HPSE2: variants seen among roughly 807,000 people sequenced by gnomAD.
The protein encoded by HPSE2 is heparanase 2 (inactive), also known as inactive heparanase-2.
HPSE2 carries 38 observed loss-of-function variants against 60.5 expected under a neutral mutation model. The observed-to-expected ratio is 0.63, with a 90% CI of 0.48 to 0.82. HPSE2 has a LOEUF of 0.82. HPSE2 is among the 40% of genes least tolerant of loss of function. The probability of loss-of-function intolerance (pLI) is 0.00; values close to 1 mark genes in which losing one functional copy is unlikely to be tolerated. For synonymous variants in HPSE2, 295 were observed against 293.2 expected (o/e 1.01, Z -0.06); for missense variants, 713 against 740.4 (o/e 0.96, Z 0.43).
intron 8 of HPSE2, among the ~76,000 whole-genome samples, chr10:98,620,280 T>C (rs940022930): frequency 1.3e-5 from 2 of 152,298 alleles, no homozygotes; most frequent in East Asian, 1.9e-4. Context: ...CCCAAGACTA[T>C]AGTGAAAATT....
At position 98,691,693 on chromosome 10, in the gene HPSE2, T is replaced by C. The variant is rs1948081453; in HGVS notation, c.1004+2207A>G. ...GGACATTATCTTGTTATCAAAGCAG[T>C]AGTAGTTAAGACAATAACCCTTGGA... On this transcript the variant is annotated intron_variant, in intron 6 of 11. Coordinates refer to ENST00000370552, the MANE Select transcript of HPSE2 (RefSeq NM_021828.5). Among the ~76,000 whole-genome samples the C allele has an allele frequency of 5.3e-5, 8 of 152,322 alleles. No individual in the cohort carries two copies. In the South Asian group the frequency reaches 1.4e-3, roughly 28 times the overall value.
intron 3 of HPSE2, among the ~76,000 whole-genome samples, chr10:99,080,584 G>C (rs1843100666): frequency 6.6e-6 from 1 of 152,060 alleles, no homozygotes; most frequent in Admixed American, 6.6e-5. Context: ...TAAATCTTAG[G>C]GATGCCAAGT....
At chr10:98,880,641 A>G (rs1952997397) in intron 3 of HPSE2, among the ~76,000 whole-genome samples, 1 of 152,058 alleles carries the variant, frequency 6.6e-6, no homozygotes, top group Admixed American at 6.6e-5. Flanking sequence ...ATTATCAAGT[A>G]TATATAAATT....
chr10:99,200,999 A>G (rs1410372006), intron 2 of HPSE2, among the ~76,000 whole-genome samples: 1 of 152,194 alleles, frequency 6.6e-6, no homozygotes, highest in African/African-American at 2.4e-5. Context: ...AGGCAAAAAG[A>G]ATAAATAGGT....
At chr10:98,990,963 C>T (rs1264378774) in intron 3 of HPSE2, among the ~76,000 whole-genome samples, 1 of 152,138 alleles carries the variant, frequency 6.6e-6, no homozygotes, top group South Asian at 2.1e-4. Context: ...CAAATCAAAC[C>T]CCATGCCCCA....
chr10:99,300,946 C>T, the HPSE2 span, among the ~76,000 whole-genome samples: 1 of 152,240 alleles, frequency 6.6e-6, no homozygotes, highest in South Asian at 2.1e-4. Context: ...TGTAACACCC[C>T]CATTTTACCT....
chr10:98,573,875 A>C (rs993185290), intron 9 of HPSE2, among the ~76,000 whole-genome samples: 3 of 152,186 alleles, frequency 2.0e-5, no homozygotes, highest in African/African-American at 7.2e-5. Flanking sequence ...TCTTTTTCTT[A>C]TACAGCTGTA....
At chr10:98,601,134 G>A (rs1376164579) in intron 9 of HPSE2, among the ~76,000 whole-genome samples, 1 of 151,546 alleles carries the variant, frequency 6.6e-6, no homozygotes, top group East Asian at 1.9e-4. Context: ...AATTTTTGTT[G>A]TTGTTGTTCA....
chr10:98,733,937 AC>A (rs1949287149), intron 4 of HPSE2, among the ~76,000 whole-genome samples: 1 of 152,174 alleles, frequency 6.6e-6, no homozygotes, highest in Non-Finnish European at 1.5e-5. Context: ...CAGTTGTGCA[AC>A]CATCACAACA....
intron 6 of HPSE2, among the ~76,000 whole-genome samples, chr10:98,666,077 G>A (rs909360656): frequency 2.0e-5 from 3 of 152,096 alleles, no homozygotes; most frequent in African/African-American, 7.2e-5. Context: ...TCAAAGTAAA[G>A]GGATGAATAA....
At chr10:98,579,379 C>A (rs7908072) in intron 9 of HPSE2, among the ~76,000 whole-genome samples, 1 of 151,938 alleles carries the variant, frequency 6.6e-6, no homozygotes, top group African/African-American at 2.4e-5. Flanking sequence ...ACCTCCACCA[C>A]CTCACTGAAG....
At chr10:98,615,090 G>A in intron 8 of HPSE2, 72 bp from the exon 9 acceptor site, 1 of 1,074,594 alleles carries the variant, frequency 9.3e-7, no homozygotes, top group Non-Finnish European at 1.4e-6. Context: ...ATAGAGACTG[G>A]CTACTATATA....
intron 3 of HPSE2, among the ~76,000 whole-genome samples, chr10:98,770,460 C>A (rs1318089543): frequency 6.6e-6 from 1 of 152,116 alleles, no homozygotes; most frequent in African/African-American, 2.4e-5. Flanking sequence ...TGCATTTGTG[C>A]CAAGGTCACA....
intron 3 of HPSE2, among the ~76,000 whole-genome samples, chr10:99,114,917 AAAG>A (rs974215583): frequency 6.6e-4 from 100 of 151,020 alleles, no homozygotes; most frequent in East Asian, 2.2e-3. Flanking sequence ...AAAAAAAAAA[AAAG>A]AAGAAGAAGA....
intron 3 of HPSE2, among the ~76,000 whole-genome samples, chr10:99,132,166 AAAG>A (rs561390753): frequency 0.52 from 19,165 of 36,562 alleles, 3,156 homozygotes; most frequent in South Asian, 0.6. Flanking sequence ...AGAAAGAAAG[AAAG>A]AAAGAAAGAA....
chr10:98,976,789 A>G (rs978712649), intron 3 of HPSE2, among the ~76,000 whole-genome samples: 1 of 152,096 alleles, frequency 6.6e-6, no homozygotes, highest in African/African-American at 2.4e-5. Context: ...GGAAACTGTG[A>G]CTGTTACTTT....
At chr10:98,915,151 C>CTT (rs1174583914) in intron 3 of HPSE2, among the ~76,000 whole-genome samples, 17 of 141,174 alleles carry the variant, frequency 1.2e-4, no homozygotes, top group African/African-American at 2.6e-4. Flanking sequence ...CTAAATTTTC[C>CTT]TTTTTTTTTT....
At chr10:98,773,223 T>C (rs1174704863) in intron 3 of HPSE2, among the ~76,000 whole-genome samples, 2 of 152,192 alleles carry the variant, frequency 1.3e-5, no homozygotes, top group African/African-American at 2.4e-5. Flanking sequence ...TATATCCTTA[T>C]ATTCTCCTAT....
chr10:99,008,572 T>C (rs1465872262), intron 3 of HPSE2, among the ~76,000 whole-genome samples: 1 of 152,248 alleles, frequency 6.6e-6, no homozygotes, highest in Non-Finnish European at 1.5e-5. Context: ...AATTAATGCT[T>C]TCTTTAATCC....
Sources: allele counts gnomAD v4.1 joint callset (sites outside exome capture counted in the v4.1 genomes callset), GRCh38; gene constraint gnomAD v4.1.1; transcripts MANE v1.5; gene names NCBI Gene and HGNC (gene_info 2026-07-23, HGNC 2026-07-21).